Variants in ZNF215 observed in about 807,000 individuals in gnomAD.
ZNF215 encodes zinc finger protein 215.
ZNF215 carries 24 observed loss-of-function variants against 27.2 expected under a neutral mutation model. That is an observed-to-expected ratio of 0.88 (90% CI 0.64 to 1.24). The LOEUF (loss-of-function observed/expected upper bound fraction) is 1.24. Among genes scored for constraint, ZNF215 ranks in the 50% most tolerant of loss-of-function variants. ZNF215 has a pLI of 0.00. For synonymous variants in ZNF215, 210 were observed against 204.0 expected (o/e 1.03, Z -0.25); for missense variants, 675 against 605.7 (o/e 1.11, Z -1.20).
chr11:6,979,782 CTT>C (rs1424051476), intron 5 of ZNF215, among the ~76,000 whole-genome samples: 1 of 151,930 alleles, frequency 6.6e-6, no homozygotes, highest in Non-Finnish European at 1.5e-5. Context: ...GACGTAATGA[CTT>C]ATAAAGTATT....
chr11:6,932,821 TAATAGA>T (rs1361466676), intron 3 of ZNF215, 149 bp downstream of exon 3: 1 of 728,186 alleles, frequency 1.4e-6, no homozygotes, highest in African/African-American at 1.8e-5. Context: ...ATTCTGTAGG[TAATAGA>T]AATAGAGAAT....
At position 6,957,253 on chromosome 11, in the gene ZNF215, C is replaced by G. The variant is rs918989533; in HGVS notation, c.*722C>G. On this transcript the variant is annotated 3_prime_UTR_variant, in exon 7 of 7. Coordinates refer to ENST00000278319, the MANE Select transcript of ZNF215 (RefSeq NM_013250.4). ...GATGTTGATGAGAAAAATATCGATTCCCAGCCAGGGACACTGTGTGGAGTT... is the reference window on the plus strand; with the variant it reads ...GATGTTGATGAGAAAAATATCGATTGCCAGCCAGGGACACTGTGTGGAGTT... The G allele has an allele frequency of 5.4e-6, 5 of 932,604 alleles. No individual in the cohort carries two copies. In the African/African-American group the frequency reaches 8.9e-5, roughly 17 times the overall value. 57.8% of individuals were successfully genotyped at this position (932,604 alleles called of 1,614,324 possible).
At chr11:6,962,339 G>A (rs1850532313), downstream of ZNF215, among the ~76,000 whole-genome samples, 1 of 152,118 alleles carries the variant, frequency 6.6e-6, no homozygotes, top group Non-Finnish European at 1.5e-5. Flanking sequence ...TAGCCATGGA[G>A]TTAAAGAACC....
chr11:6,979,143 A>G (rs1488570849), intron 5 of ZNF215, among the ~76,000 whole-genome samples: 1 of 152,096 alleles, frequency 6.6e-6, no homozygotes, highest in Non-Finnish European at 1.5e-5. Flanking sequence ...ATATGTGCCA[A>G]TTACCAATTT....
At chr11:6,975,810 C>T (rs1339880188) in intron 5 of ZNF215, among the ~76,000 whole-genome samples, 8 of 152,158 alleles carry the variant, frequency 5.3e-5, no homozygotes, top group South Asian at 4.1e-4. Context: ...GCAACAAGCA[C>T]GAAAGTGCAG....
chr11:6,950,283 C>G (rs1355381773), intron 6 of ZNF215, among the ~76,000 whole-genome samples: 1 of 147,442 alleles, frequency 6.8e-6, no homozygotes, highest in East Asian at 2.0e-4. Flanking sequence ...TCATTGGTAG[C>G]TTGATGGGGA....
Position 6,957,032 on chromosome 11 carries a change from C to T in ZNF215, c.*501C>T. On this transcript the variant is annotated 3_prime_UTR_variant, in exon 7 of 7. Coordinates refer to ENST00000278319, the MANE Select transcript of ZNF215 (RefSeq NM_013250.4). ...GAATCAATGGCTAAGACAACAGTAA[C>T]AGCCATTTACTCCACTCCTGACAAT... The T allele has an allele frequency of 1.0e-6, 1 of 986,698 alleles. No homozygotes were observed. Among genetic ancestry groups the T allele is most frequent in the Non-Finnish European group, 1.2e-6 (1 of 830,812 alleles). 61.1% of individuals were successfully genotyped at this position (986,698 alleles called of 1,614,324 possible). A position where few individuals can be genotyped will look rare whatever the true frequency, so the allele number is the denominator to read the frequency against.
At chr11:6,935,961 A>G (rs1429120591) in intron 3 of ZNF215, among the ~76,000 whole-genome samples, 1 of 152,160 alleles carries the variant, frequency 6.6e-6, no homozygotes, top group East Asian at 1.9e-4. Flanking sequence ...CAAAAAGGAA[A>G]GCACAAAGGA....
chr11:6,969,293 A>G (rs1850678247), intron 5 of ZNF215, among the ~76,000 whole-genome samples: 2 of 152,128 alleles, frequency 1.3e-5, no homozygotes, highest in Non-Finnish European at 2.9e-5. Context: ...GTCCATTGCA[A>G]TTTCTGTTTA....
At chr11:6,986,540 C>T (rs1367104596), downstream of ZNF215, among the ~76,000 whole-genome samples, 1 of 152,220 alleles carries the variant, frequency 6.6e-6, no homozygotes, top group Admixed American at 6.5e-5. Context: ...TAAAGAGCTT[C>T]TGCACAGCAA....
At chr11:6,943,364 T>A in intron 5 of ZNF215, 149 bp downstream of exon 5, 1 of 1,311,162 alleles carries the variant, frequency 7.6e-7, no homozygotes, top group Non-Finnish European at 1.0e-6. Flanking sequence ...ATTTTCTGAC[T>A]CATCTGGATG....
In ZNF215 at chr11:6,929,579, T is replaced by C. The variant is rs565115672; in HGVS notation, c.-180+1772T>C. On this transcript the variant is annotated intron_variant, in intron 2 of 6. Coordinates refer to ENST00000278319, the MANE Select transcript of ZNF215 (RefSeq NM_013250.4). ...TTGGTTAAGTATGGAGAACCATCTG[T>C]TGGAATTTGATGTTTTTCTCATTAT... 6.6e-5 allele frequency among the ~76,000 whole-genome samples: 10 copies of C among 152,274 alleles called. No individual in the cohort carries two copies. The South Asian group carries it at 2.1e-3, about 32-fold the overall frequency.
At chr11:6,951,370 T>C (rs1850052599) in intron 6 of ZNF215, among the ~76,000 whole-genome samples, 1 of 152,210 alleles carries the variant, frequency 6.6e-6, no homozygotes, top group Non-Finnish European at 1.5e-5. Context: ...TCCTGGACTC[T>C]TTTTGGTTGG....
intron 5 of ZNF215, among the ~76,000 whole-genome samples, chr11:6,982,412 A>C (rs1443274135): frequency 6.6e-6 from 1 of 152,158 alleles, no homozygotes; most frequent in Non-Finnish European, 1.5e-5. Context: ...CAGACCTAAT[A>C]GACATCTACA....
chr11:6,973,449 C>A (rs1850762900), intron 5 of ZNF215, among the ~76,000 whole-genome samples: 1 of 152,154 alleles, frequency 6.6e-6, no homozygotes, highest in Non-Finnish European at 1.5e-5. Context: ...ATTTCTAGTT[C>A]TAGATCCCTG....
At chr11:6,994,284 A>C (rs1851153420) in intron 6 of ZNF215, among the ~76,000 whole-genome samples, 1 of 152,114 alleles carries the variant, frequency 6.6e-6, no homozygotes, top group Non-Finnish European at 1.5e-5. Context: ...TTGTGATAAG[A>C]AGCTCATAGG....
downstream of ZNF215, among the ~76,000 whole-genome samples, chr11:6,961,375 G>A (rs1362524913): frequency 6.6e-6 from 1 of 152,070 alleles, no homozygotes; most frequent in African/African-American, 2.4e-5. Context: ...AATGTAAGGT[G>A]TAGTCAAGAA....
At chr11:6,938,680 A>C (rs1849523832) in intron 3 of ZNF215, among the ~76,000 whole-genome samples, 1 of 152,108 alleles carries the variant, frequency 6.6e-6, no homozygotes. Context: ...TATATGATTC[A>C]ATTTATGTGG....
chr11:6,992,672 T>C (rs1851128461), downstream of ZNF215, among the ~76,000 whole-genome samples: 5 of 152,214 alleles, frequency 3.3e-5, no homozygotes. Context: ...CCATTGGGAC[T>C]TTTCTTTCAG....
Sources: gnomAD v4.1 joint callset for allele counts (sites outside exome capture counted in the v4.1 genomes callset) on GRCh38, gnomAD v4.1.1 for gene constraint, MANE v1.5 for transcripts, NCBI Gene and HGNC (gene_info 2026-07-23, HGNC 2026-07-21) for gene names.